CNTNAP2: variants seen among roughly 807,000 people sequenced by gnomAD.
The protein encoded by CNTNAP2 is contactin-associated protein-like 2.
A neutral mutation model predicts 155.2 loss-of-function variants in CNTNAP2; 98 were observed. That is an observed-to-expected ratio of 0.63 (90% CI 0.54 to 0.75). CNTNAP2 has a LOEUF of 0.75. Ranked by LOEUF, CNTNAP2 falls within the 30% of genes least tolerant of loss-of-function variation. The pLI, the probability that CNTNAP2 is intolerant of heterozygous loss-of-function variation, is 0.00. For synonymous variants in CNTNAP2, 651 were observed against 631.2 expected, an observed-to-expected ratio of 1.03 and a Z score of -0.47; for missense variants, 1,727 against 1,688.1, an observed-to-expected ratio of 1.02 and a Z score of -0.40.
intron 13 of CNTNAP2, among the ~76,000 whole-genome samples, chr7:147,878,216 A>T (rs1799458048): frequency 6.6e-6 from 1 of 151,854 alleles, no homozygotes; most frequent in South Asian, 2.1e-4. Flanking sequence ...TTGGAAAATT[A>T]TCTATTTGTA....
At chr7:147,429,148 T>TTG (rs1297092525) in intron 10 of CNTNAP2, among the ~76,000 whole-genome samples, 11 of 147,068 alleles carry the variant, frequency 7.5e-5, no homozygotes, top group African/African-American at 1.3e-4. Context: ...TGGTGTGTGT[T>TTG]TGTGTATATA....
intron 10 of CNTNAP2, among the ~76,000 whole-genome samples, chr7:147,409,979 G>A (rs1439803799): frequency 6.6e-6 from 1 of 152,192 alleles, no homozygotes; most frequent in East Asian, 1.9e-4. Flanking sequence ...TTCAACCATT[G>A]TGGAATACAA....
intron 2 of CNTNAP2, among the ~76,000 whole-genome samples, chr7:146,825,051 T>C (rs1291719882): frequency 6.6e-6 from 1 of 152,048 alleles, no homozygotes; most frequent in Non-Finnish European, 1.5e-5. Context: ...AAAGCAACTA[T>C]ATTTACAAGG....
At chr7:147,978,325 C>A (rs4725756) in intron 15 of CNTNAP2, 123,021 of 346,586 alleles carry the variant, frequency 0.35, 22,976 homozygotes, top group East Asian at 0.58. Flanking sequence ...GCTGTTAATG[C>A]CATTAGGATG....
chr7:146,293,891 G>A (rs1408672125), intron 1 of CNTNAP2, among the ~76,000 whole-genome samples: 3 of 151,942 alleles, frequency 2.0e-5, no homozygotes, highest in African/African-American at 4.8e-5. Flanking sequence ...TTTTAATAAA[G>A]CCTTTTCTCT....
At chr7:146,184,614 C>G (rs142217542) in intron 1 of CNTNAP2, among the ~76,000 whole-genome samples, 1 of 152,108 alleles carries the variant, frequency 6.6e-6, no homozygotes, top group Admixed American at 6.5e-5. Flanking sequence ...GAAGGATTAC[C>G]AACCTCTTCC....
intron 1 of CNTNAP2, among the ~76,000 whole-genome samples, chr7:146,399,353 G>A (rs1403009): frequency 0.12 from 18,797 of 152,082 alleles, 1,631 homozygotes; most frequent in African/African-American, 0.24. Flanking sequence ...TCTCTGGTAT[G>A]CAGCATTCTA....
chr7:147,470,501 A>C (rs557350218), intron 10 of CNTNAP2, among the ~76,000 whole-genome samples: 10 of 152,216 alleles, frequency 6.6e-5, no homozygotes, highest in Admixed American at 1.3e-4. Context: ...GGATTAGGGT[A>C]ATAGCAGTAG....
chr7:147,560,828 G>A (rs1302923331), intron 11 of CNTNAP2, among the ~76,000 whole-genome samples: 2 of 148,174 alleles, frequency 1.3e-5, no homozygotes, highest in Admixed American at 1.4e-4. Context: ...TTGTTTAAAT[G>A]ACATAGAGTT....
chr7:147,586,547 G>GGAAAGAAGGAAGGA (rs1563009757), intron 12 of CNTNAP2, among the ~76,000 whole-genome samples: 4 of 21,310 alleles, frequency 1.9e-4, no homozygotes, highest in African/African-American at 9.7e-4. Context: ...GGAAGGAAGG[G>GGAAAGAAGGAAGGA]AGGGAGGGAG....
intron 11 of CNTNAP2, among the ~76,000 whole-genome samples, chr7:147,530,503 G>T (rs1799412762): frequency 6.6e-6 from 1 of 151,974 alleles, no homozygotes; most frequent in Non-Finnish European, 1.5e-5. Flanking sequence ...CATGGCAGTG[G>T]CAAGAAAAAA....
intron 8 of CNTNAP2, among the ~76,000 whole-genome samples, chr7:147,168,653 T>C (rs1802168552): frequency 6.6e-6 from 1 of 152,134 alleles, no homozygotes; most frequent in African/African-American, 2.4e-5. Context: ...TTGAAGTTAC[T>C]TTTTCCATTG....
chr7:146,279,817 A>G (rs1800221943), intron 1 of CNTNAP2, among the ~76,000 whole-genome samples: 1 of 151,798 alleles, frequency 6.6e-6, no homozygotes, highest in African/African-American at 2.4e-5. Context: ...AATTTTTAAA[A>G]CATGCTTAAG....
At chr7:147,737,123 T>C (rs1404101383) in intron 13 of CNTNAP2, among the ~76,000 whole-genome samples, 1 of 152,190 alleles carries the variant, frequency 6.6e-6, no homozygotes, top group Non-Finnish European at 1.5e-5. Context: ...TTTCAGTTTT[T>C]CTGCTCTGTT....
intron 3 of CNTNAP2, among the ~76,000 whole-genome samples, chr7:146,911,559 A>G (rs1488169284): frequency 6.6e-6 from 1 of 151,352 alleles, no homozygotes; most frequent in Non-Finnish European, 1.5e-5. Context: ...TGCAAGAACA[A>G]AAAACCAAAC....
chr7:147,091,814 G>C (rs533139842), intron 4 of CNTNAP2, among the ~76,000 whole-genome samples: 1 of 152,104 alleles, frequency 6.6e-6, no homozygotes, highest in Non-Finnish European at 1.5e-5. Flanking sequence ...CACCATGTTA[G>C]CCAGGATGAT....
intron 8 of CNTNAP2, among the ~76,000 whole-genome samples, chr7:147,206,868 T>G (rs1803033883): frequency 6.6e-6 from 1 of 152,170 alleles, no homozygotes; most frequent in Admixed American, 6.5e-5. Flanking sequence ...CTCTAGATAT[T>G]TTAAATAGAA....
At chr7:147,839,768 T>C (rs1026667855) in intron 13 of CNTNAP2, among the ~76,000 whole-genome samples, 10 of 152,138 alleles carry the variant, frequency 6.6e-5, no homozygotes, top group Admixed American at 4.6e-4. Flanking sequence ...GAAATCATTA[T>C]ATAAAAAGGA....
chr7:146,506,492 A>G (rs1407168611), intron 1 of CNTNAP2, among the ~76,000 whole-genome samples: 2 of 152,044 alleles, frequency 1.3e-5, no homozygotes, highest in Non-Finnish European at 2.9e-5. Flanking sequence ...GTAGGTGCTG[A>G]CTCCAACCAC....
Sources: allele counts gnomAD v4.1 joint callset (sites outside exome capture counted in the v4.1 genomes callset), GRCh38; gene constraint gnomAD v4.1.1; transcripts MANE v1.5; gene names NCBI Gene and HGNC (gene_info 2026-07-23, HGNC 2026-07-21).